The following COL13A1 variants were observed in gnomAD, a reference collection of about 807,000 sequenced individuals.
COL13A1 encodes the protein collagen alpha-1(XIII) chain.
Under a neutral mutation model 130.9 loss-of-function variants are expected in COL13A1, and 89 were observed. The observed-to-expected ratio is 0.68, with a 90% CI of 0.57 to 0.81. The LOEUF is 0.81. COL13A1 is among the 30% of genes least tolerant of loss of function. The probability of loss-of-function intolerance (pLI) is 0.00; values close to 1 mark genes in which losing one functional copy is unlikely to be tolerated. For missense variants in COL13A1, 879 were observed against 934.6 expected, an observed-to-expected ratio of 0.94 and a Z score of 0.78; for synonymous variants, 402 against 341.6, an observed-to-expected ratio of 1.18 and a Z score of -1.95.
chr10:69,897,757 C>T (rs1041849331), intron 13 of COL13A1, among the ~76,000 whole-genome samples: 2 of 152,224 alleles, frequency 1.3e-5, no homozygotes, highest in Non-Finnish European at 2.9e-5. Flanking sequence ...TCTTAACACT[C>T]ATCCCAGGAG....
chr10:69,851,163 T>C (rs1276398518), intron 2 of COL13A1, among the ~76,000 whole-genome samples: 1 of 152,212 alleles, frequency 6.6e-6, no homozygotes, highest in Non-Finnish European at 1.5e-5. Flanking sequence ...CTGCGTATGC[T>C]TCACAACTGT....
rs1359240799 is a variant in COL13A1, at chr10:69,810,234, C to T, written c.294+7517C>T. Among the ~76,000 whole-genome samples the T allele has an allele frequency of 3.3e-5, 5 of 152,224 alleles. No homozygotes were observed. In the East Asian group the frequency reaches 5.8e-4, roughly 18 times the overall value. ...TGGGGAGCTTTCAAAACACGCCAGG[C>T]CAATTGTTCCCAATACCTGCTGCAG... On this transcript the variant is annotated intron_variant, in intron 1 of 40. Transcript: ENST00000645393.
intron 1 of COL13A1, among the ~76,000 whole-genome samples, chr10:69,817,114 C>T (rs1397548555): frequency 1.3e-5 from 2 of 152,130 alleles, no homozygotes; most frequent in African/African-American, 2.4e-5. Context: ...CTGCTTTGGC[C>T]TGCGATGGAA....
At chr10:69,924,543 A>G (rs1033388996) in intron 24 of COL13A1, among the ~76,000 whole-genome samples, 4 of 151,276 alleles carry the variant, frequency 2.6e-5, no homozygotes, top group African/African-American at 7.3e-5. Flanking sequence ...GTAGGCAGCA[A>G]AAGAACTGTG....
chr10:69,866,200 C>A (rs747107005), intron 2 of COL13A1, among the ~76,000 whole-genome samples: 16 of 152,240 alleles, frequency 1.1e-4, no homozygotes, highest in Non-Finnish European at 2.2e-4. Context: ...TCTGGTGACA[C>A]CTATGCAGCC....
chr10:69,936,109 G>A (rs2066826188), intron 32 of COL13A1, among the ~76,000 whole-genome samples: 3 of 30,322 alleles, frequency 9.9e-5, no homozygotes, highest in Admixed American at 9.3e-4. Context: ...AGGGAGGAAG[G>A]AAGGAAGGAA....
chr10:69,934,798 G>C (rs1028944183), intron 31 of COL13A1, among the ~76,000 whole-genome samples: 7 of 152,244 alleles, frequency 4.6e-5, no homozygotes, highest in African/African-American at 1.7e-4. Context: ...TTGGGGACTT[G>C]AGGAGCAATC....
intron 2 of COL13A1, among the ~76,000 whole-genome samples, chr10:69,866,056 G>C (rs1427067707): frequency 6.6e-6 from 1 of 152,208 alleles, no homozygotes; most frequent in Non-Finnish European, 1.5e-5. Context: ...AGTGACAATG[G>C]TGGTGGCAGT....
intron 17 of COL13A1, among the ~76,000 whole-genome samples, chr10:69,913,419 G>A (rs1565040984): frequency 1.3e-5 from 2 of 152,192 alleles, no homozygotes; most frequent in Admixed American, 1.3e-4. Flanking sequence ...CCAAGACAGT[G>A]ATGAGTGAGT....
chr10:69,828,739 T>C (rs149632349), intron 2 of COL13A1, among the ~76,000 whole-genome samples: 473 of 152,314 alleles, frequency 3.1e-3, no homozygotes, highest in Non-Finnish European at 4.9e-3. Flanking sequence ...GTTTGATGAG[T>C]ATGTTAACGT....
intron 16 of COL13A1, 107 bp downstream of exon 16, chr10:69,905,066 A>T: frequency 3.2e-6 from 4 of 1,251,938 alleles, no homozygotes; most frequent in Non-Finnish European, 4.5e-6. Flanking sequence ...GAGGGATCTC[A>T]GCTGAGAGAC....
At chr10:69,926,122 C>T in intron 26 of COL13A1, 1 of 513,322 alleles carries the variant, frequency 1.9e-6, no homozygotes, top group South Asian at 3.1e-5. Context: ...GGCCAGTTAT[C>T]CTGCCTCAGG....
At chr10:69,952,487 A>G (rs1249782097) in intron 38 of COL13A1, among the ~76,000 whole-genome samples, 2 of 147,346 alleles carry the variant, frequency 1.4e-5, no homozygotes, top group Non-Finnish European at 3.0e-5. Context: ...TTAATTGGGG[A>G]AAAAAAAAGT....
intron 1 of COL13A1, 132 bp downstream of exon 1, chr10:69,802,849 G>T: frequency 8.3e-7 from 1 of 1,201,276 alleles, no homozygotes; most frequent in Non-Finnish European, 1.2e-6. Context: ...GCCTGCGGGA[G>T]GGGTCGGGGA....
intron 34 of COL13A1, among the ~76,000 whole-genome samples, chr10:69,940,745 G>A (rs916002828): frequency 1.3e-5 from 2 of 152,270 alleles, no homozygotes; most frequent in African/African-American, 2.4e-5. Context: ...CATCTGCGCC[G>A]ACCTCCACCC....
chr10:69,826,294 A>G (rs920279241), intron 2 of COL13A1, among the ~76,000 whole-genome samples: 8 of 152,154 alleles, frequency 5.3e-5, no homozygotes, highest in Non-Finnish European at 1.2e-4. Flanking sequence ...ACCCAGAGGG[A>G]AGAATGGCTA....
intron 2 of COL13A1, 76 bp downstream of exon 2, chr10:69,822,514 C>A: frequency 9.4e-7 from 1 of 1,063,954 alleles, no homozygotes; most frequent in Non-Finnish European, 1.3e-6. Context: ...TGGCCATGCT[C>A]TAGCCACACC....
intron 2 of COL13A1, among the ~76,000 whole-genome samples, chr10:69,829,524 G>A (rs986067790): frequency 6.6e-6 from 1 of 152,226 alleles, no homozygotes; most frequent in Non-Finnish European, 1.5e-5. Flanking sequence ...CAGACAGAAC[G>A]TTATGCTTTA....
At chr10:69,892,187 T>C (rs2061244857) in intron 10 of COL13A1, among the ~76,000 whole-genome samples, 1 of 152,306 alleles carries the variant, frequency 6.6e-6, no homozygotes, top group Admixed American at 6.5e-5. Flanking sequence ...CCTGTTTGGC[T>C]TGGCATGGGT....
Sources: allele counts gnomAD v4.1 joint callset (sites outside exome capture counted in the v4.1 genomes callset), GRCh38; gene constraint gnomAD v4.1.1; transcripts MANE v1.5; gene names NCBI Gene and HGNC (gene_info 2026-07-23, HGNC 2026-07-21).